Variants in MED13L observed in about 807,000 individuals in gnomAD.
MED13L encodes the protein mediator complex subunit 13L.
MED13L carries 7 observed loss-of-function variants against 220.9 expected under a neutral mutation model. The ratio of observed to expected loss-of-function variants is 0.03; its 90% CI spans 0.02 to 0.06. The LOEUF (loss-of-function observed/expected upper bound fraction) is 0.06. Ranked by LOEUF, MED13L falls within the 10% of genes least tolerant of loss-of-function variation. MED13L has a pLI of 1.00. For synonymous variants in MED13L, 1,011 were observed against 1,015.2 expected (o/e 1.00, Z 0.08); for missense variants, 1,965 against 2,760.5 (o/e 0.71, Z 6.46).
At chr12:116,020,430 G>C (rs1879991848) in intron 5 of MED13L, among the ~76,000 whole-genome samples, 1 of 152,118 alleles carries the variant, frequency 6.6e-6, no homozygotes, top group South Asian at 2.1e-4. Context: ...ATTCAACATG[G>C]AGACCGCAAA....
At chr12:116,114,774 T>C (rs1221673559) in intron 2 of MED13L, among the ~76,000 whole-genome samples, 3 of 152,040 alleles carry the variant, frequency 2.0e-5, no homozygotes, top group Non-Finnish European at 4.4e-5. Context: ...GAATACAAGG[T>C]CAACAGACAA....
At position 115,983,167 on chromosome 12, in the gene MED13L, G is replaced by T; in HGVS notation, c.4905C>A (p.Asp1635Glu). ...RTQGNIGCGGDTDPGQSSSQP... is the reference protein window; with the variant it reads ...RTQGNIGCGGETDPGQSSSQP... ...GAGAAGAGCTCTGCCCAGGGTCAGT[G>T]TCTCCACCACAGCCTATGTTCCCTT... is the stretch of plus-strand genomic sequence containing the variant. The change falls in exon 21 of 31, where the codon GAC becomes GAA. Residue 1635 changes from aspartate to glutamate, a missense_variant. By Grantham distance (45) the Asp-to-Glu change is conservative. This residue lies in a region of MED13L where 510 missense variants were observed against 620.4 expected (regional missense o/e 0.82). Transcript: ENST00000281928. 6.2e-7 allele frequency: 1 copy of T among 1,614,104 alleles called. No individual in the cohort carries two copies. Among genetic ancestry groups the T allele is most frequent in the Non-Finnish European group, 8.5e-7 (1 of 1,180,008 alleles).
chr12:116,068,110 C>A (rs1870088566), intron 4 of MED13L, among the ~76,000 whole-genome samples: 1 of 152,186 alleles, frequency 6.6e-6, no homozygotes, highest in East Asian at 1.9e-4. Context: ...AACGCACCAA[C>A]AATGAGCAAG....
intron 7 of MED13L, among the ~76,000 whole-genome samples, chr12:116,018,772 G>A (rs1879877888): frequency 6.6e-6 from 1 of 151,886 alleles, no homozygotes; most frequent in South Asian, 2.1e-4. Context: ...GAGCTACTAA[G>A]CACTAGTCTA....
At chr12:116,135,406 T>C (rs759059283) in intron 2 of MED13L, among the ~76,000 whole-genome samples, 9 of 152,152 alleles carry the variant, frequency 5.9e-5, no homozygotes, top group Non-Finnish European at 1.0e-4. Context: ...GAGTCACAAA[T>C]GTGAATAAAA....
intron 2 of MED13L, among the ~76,000 whole-genome samples, chr12:116,186,789 G>A (rs1336272377): frequency 3.3e-5 from 5 of 152,190 alleles, no homozygotes; most frequent in African/African-American, 9.7e-5. Flanking sequence ...ACACTGAAGA[G>A]CACAGATCCA....
intron 1 of MED13L, among the ~76,000 whole-genome samples, chr12:116,267,143 T>C (rs1432217690): frequency 6.6e-6 from 1 of 152,160 alleles, no homozygotes; most frequent in Non-Finnish European, 1.5e-5. Flanking sequence ...AACTACCAAA[T>C]AAGAGCCACG....
chr12:116,027,877 TTCTAC>T (rs2137473529), intron 4 of MED13L, among the ~76,000 whole-genome samples: 2 of 152,334 alleles, frequency 1.3e-5, no homozygotes, highest in South Asian at 4.1e-4. Flanking sequence ...CACTCACTCA[TTCTAC>T]TCTAAAGAGA....
At chr12:116,075,219 A>C (rs1870686683) in intron 4 of MED13L, among the ~76,000 whole-genome samples, 1 of 152,236 alleles carries the variant, frequency 6.6e-6, no homozygotes, top group African/African-American at 2.4e-5. Flanking sequence ...ACTTGGAATC[A>C]GACTGTTCTA....
At chr12:116,239,386 A>G (rs557927994) in intron 1 of MED13L, among the ~76,000 whole-genome samples, 1 of 152,202 alleles carries the variant, frequency 6.6e-6, no homozygotes, top group Non-Finnish European at 1.5e-5. Flanking sequence ...CCATAATCAC[A>G]TTATAATAAT....
chr12:116,011,846 A>C (rs1361407103), intron 9 of MED13L, among the ~76,000 whole-genome samples: 1 of 152,224 alleles, frequency 6.6e-6, no homozygotes, highest in Non-Finnish European at 1.5e-5. Context: ...GCAGGGGAGA[A>C]GAGGAAAACG....
chr12:115,964,797 A>G (rs1876025777), intron 29 of MED13L, among the ~76,000 whole-genome samples: 1 of 152,082 alleles, frequency 6.6e-6, no homozygotes, highest in South Asian at 2.1e-4. Flanking sequence ...TTCATTGTGA[A>G]TATTTCCTGC....
At chr12:116,245,737 CAAAT>C (rs1871042950) in intron 1 of MED13L, among the ~76,000 whole-genome samples, 1 of 147,706 alleles carries the variant, frequency 6.8e-6, no homozygotes. Context: ...GAAAGTGAAA[CAAAT>C]AAACAAAAAT....
intron 2 of MED13L, among the ~76,000 whole-genome samples, chr12:116,133,550 G>A (rs1876264573): frequency 6.6e-6 from 1 of 151,870 alleles, no homozygotes; most frequent in African/African-American, 2.4e-5. Context: ...AGGCCCCTGA[G>A]CCCACAGTTC....
At chr12:116,132,330 A>G (rs1272334036) in intron 2 of MED13L, among the ~76,000 whole-genome samples, 1 of 151,304 alleles carries the variant, frequency 6.6e-6, no homozygotes, top group East Asian at 1.9e-4. Flanking sequence ...CTAGCACATT[A>G]TTTTACTGGC....
At chr12:116,232,215 G>T (rs925314453) in intron 2 of MED13L, 14 of 765,908 alleles carry the variant, frequency 1.8e-5, no homozygotes, top group Non-Finnish European at 2.2e-5. Flanking sequence ...GGTAATAACT[G>T]CCAATCTACC....
intron 10 of MED13L, chr12:116,008,189 G>C (rs927477266): frequency 1.7e-6 from 1 of 605,976 alleles, no homozygotes; most frequent in African/African-American, 1.8e-5. Flanking sequence ...ATGGCATAAA[G>C]AGTTCTTTAT....
intron 2 of MED13L, among the ~76,000 whole-genome samples, chr12:116,193,627 C>T (rs1447980903): frequency 7.9e-6 from 1 of 126,158 alleles, no homozygotes; most frequent in African/African-American, 3.0e-5. Context: ...AAAAAAAAAA[C>T]TCCTAATAAT....
chr12:116,031,820 AAAAG>A (rs981363089), intron 4 of MED13L, among the ~76,000 whole-genome samples: 2 of 136,012 alleles, frequency 1.5e-5, no homozygotes, highest in African/African-American at 2.7e-5. Flanking sequence ...GAGAAAGAAA[AAAAG>A]AAAGAAAGTG....
Sources: allele counts gnomAD v4.1 joint callset (sites outside exome capture counted in the v4.1 genomes callset), GRCh38; gene constraint gnomAD v4.1.1; regional missense constraint gnomAD v4.1.1; transcripts MANE v1.5; gene names NCBI Gene and HGNC (gene_info 2026-07-23, HGNC 2026-07-21).